The following TERB1 variants were observed in gnomAD, a reference collection of about 807,000 sequenced individuals.
TERB1 encodes the protein telomere repeat binding bouquet formation protein 1, also known as telomere repeats-binding bouquet formation protein 1.
Under a neutral mutation model 92.3 loss-of-function variants are expected in TERB1, and 63 were observed. That is an observed-to-expected ratio of 0.68 (90% CI 0.56 to 0.84). The LOEUF (loss-of-function observed/expected upper bound fraction) is 0.84. Among genes scored for constraint, TERB1 ranks in the 40% least tolerant of loss-of-function variants. The probability of loss-of-function intolerance (pLI) is 0.00; values close to 1 mark genes in which losing one functional copy is unlikely to be tolerated. For synonymous variants in TERB1, 252 were observed against 283.9 expected (o/e 0.89, Z 1.13); for missense variants, 709 against 843.7 (o/e 0.84, Z 1.98).
chr16:66,775,709 A>ATTTTT (rs201460994), intron 11 of TERB1, among the ~76,000 whole-genome samples: 1 of 129,602 alleles, frequency 7.7e-6, no homozygotes, highest in African/African-American at 2.9e-5. Context: ...TTTCAAAAGG[A>ATTTTT]TTTTTTTTTT....
At chr16:66,791,167 AT>A (rs201527046) in intron 3 of TERB1, 148 bp from the exon 4 acceptor site, 3 of 466,374 alleles carry the variant, frequency 6.4e-6, no homozygotes, top group East Asian at 3.3e-5. Context: ...ACAACCATGT[AT>A]TTTTTTTAAA....
rs1192859526 is a variant in TERB1 at position 66,775,133 on chromosome 16, T to G, written c.1096A>C (p.Asn366His). The change falls in exon 12 of 19, where the codon AAC (asparagine) becomes CAC (histidine). Residue 366 changes from asparagine to histidine, a missense_variant. Physicochemically the swap from Asn to His is moderately conservative, Grantham distance 68. Transcript: ENST00000433154. ...GTACACTTACTAATTTTTTTGCAGT[T>G]GTGAAGCACAAATGTGGCAGCTTTG... is the stretch of plus-strand genomic sequence containing the variant. ...LNKAATFVLH[N>H]CKKITEKLSL... The G allele has an allele frequency of 1.3e-6, 2 of 1,551,496 alleles. No homozygotes were observed. The highest frequency in any genetic ancestry group is 2.7e-5 in the African/African-American group (2 of 73,050).
In TERB1 at chr16:66,778,894, C is replaced by T. The variant is rs363162; in HGVS notation, c.822G>A (p.Thr274=). The T allele has an allele frequency of 0.45, 675,338 of 1,517,480 alleles. 155,087 individuals carry two copies. The highest frequency in any genetic ancestry group is 0.64 in the African/African-American group (46,398 of 72,418). 94.0% of individuals were successfully genotyped at this position (1,517,480 alleles called of 1,614,324 possible). A position where few individuals can be genotyped will look rare whatever the true frequency, so the allele number is the denominator to read the frequency against. ...CAGCAATGCATGCATCCACAGTCTT[C>T]GTCACAACCACTGCAAGTTTAGCAC... ...LSSAKLAVVV[T]KTVDACIADN... is the part of the protein sequence containing the mutation. Residue 274 remains threonine, a synonymous_variant, in exon 10 of 19, where the codon ACG becomes ACA. Coordinates refer to ENST00000433154, the MANE Select transcript of TERB1 (RefSeq NM_001136505.2).
In TERB1 at chr16:66,775,139, G is replaced by A; in HGVS notation, c.1090C>T (p.Leu364Phe). 1 of 1,551,548 alleles carries A rather than the reference G, an allele frequency of 6.4e-7. No individual in the cohort carries two copies. Among genetic ancestry groups the A allele is most frequent in the East Asian group, 2.4e-5 (1 of 40,910 alleles). ...TTACTAATTTTTTTGCAGTTGTGAA[G>A]CACAAATGTGGCAGCTTTGTTCAGT... ...EELNKAATFV[L>F]HNCKKITEKL... The change falls in exon 12 of 19, where the codon CTT becomes TTT. Residue 364 changes from leucine (L) to phenylalanine (F), a missense_variant. Coordinates refer to ENST00000433154, the MANE Select transcript of TERB1 (RefSeq NM_001136505.2).
At chr16:66,759,821 GA>G (rs2018201555) in intron 16 of TERB1, among the ~76,000 whole-genome samples, 1 of 141,796 alleles carries the variant, frequency 7.1e-6, no homozygotes, top group Non-Finnish European at 1.5e-5. Flanking sequence ...AAAAAAAAAG[GA>G]AAGAAAGAAA....
intron 16 of TERB1, 72 bp from the exon 17 acceptor site, chr16:66,759,362 A>G: frequency 8.2e-7 from 1 of 1,222,890 alleles, no homozygotes; most frequent in Non-Finnish European, 1.1e-6. Flanking sequence ...GATAGCAAAT[A>G]TCTATATGAT....
intron 5 of TERB1, among the ~76,000 whole-genome samples, chr16:66,789,639 G>C (rs527633413): frequency 6.8e-5 from 8 of 118,412 alleles, no homozygotes; most frequent in Admixed American, 6.3e-4. Context: ...AAAAATTCAG[G>C]GACTATATCT....
intron 4 of TERB1, 86 bp from the exon 5 acceptor site, chr16:66,790,809 T>C (rs1327307833): frequency 5.5e-6 from 8 of 1,450,964 alleles, no homozygotes; most frequent in East Asian, 5.0e-5. Flanking sequence ...TAACATGATA[T>C]GTAGAATAAC....
intron 3 of TERB1, among the ~76,000 whole-genome samples, chr16:66,791,680 T>C (rs1035307910): frequency 2.0e-5 from 3 of 152,170 alleles, no homozygotes; most frequent in Admixed American, 6.5e-5. Flanking sequence ...GAGTACTACA[T>C]ACAATTTCAT....
intron 16 of TERB1, among the ~76,000 whole-genome samples, chr16:66,764,058 T>C (rs2018297362): frequency 6.7e-6 from 1 of 148,514 alleles, no homozygotes; most frequent in South Asian, 2.2e-4. Context: ...AAGAAAAGTC[T>C]TGAAAGCCAT....
chr16:66,786,787 C>A (rs2018735535), intron 6 of TERB1, among the ~76,000 whole-genome samples: 1 of 152,152 alleles, frequency 6.6e-6, no homozygotes, highest in Non-Finnish European at 1.5e-5. Context: ...GGGTGAGAGA[C>A]CAGCCACTGC....
At position 66,778,863 on chromosome 16, in the gene TERB1, G is replaced by A. The variant is rs1298056126; in HGVS notation, c.853C>T (p.Pro285Ser). The A allele has an allele frequency of 3.4e-6, 5 of 1,481,058 alleles. No individual in the cohort carries two copies. The highest frequency in any genetic ancestry group is 4.5e-5 in the Admixed American group (2 of 44,498). 91.7% of individuals were successfully genotyped at this position (1,481,058 alleles called of 1,614,324 possible). A position where few individuals can be genotyped will look rare whatever the true frequency, so the allele number is the denominator to read the frequency against. Reference protein sequence around the residue: ...KTVDACIADNPTFGIVLSKYH... With the variant: ...KTVDACIADNSTFGIVLSKYH... ...AAAACTAGTAAGCACTGTCACTCACGATTATCAGCAATGCATGCATCCACA... is the reference window on the plus strand; with the variant it reads ...AAAACTAGTAAGCACTGTCACTCACAATTATCAGCAATGCATGCATCCACA... Residue 285 changes from proline to serine, a missense_variant and splice_region_variant, in exon 10 of 19, where the codon CCT becomes TCT. Physicochemically the swap from Pro to Ser is moderately conservative, Grantham distance 74. Coordinates refer to ENST00000433154, the MANE Select transcript of TERB1 (RefSeq NM_001136505.2).
intron 11 of TERB1, among the ~76,000 whole-genome samples, chr16:66,775,709 A>T (rs1159436231): frequency 1.5e-5 from 2 of 129,602 alleles, no homozygotes; most frequent in Admixed American, 8.0e-5. Flanking sequence ...TTTCAAAAGG[A>T]TTTTTTTTTT....
At chr16:66,797,097 G>T (rs954502789) in intron 2 of TERB1, among the ~76,000 whole-genome samples, 4 of 152,138 alleles carry the variant, frequency 2.6e-5, no homozygotes, top group Non-Finnish European at 5.9e-5. Context: ...TCACAGAGAT[G>T]TTACCATAAT....
chr16:66,760,856 G>GT (rs1341412534), intron 16 of TERB1, among the ~76,000 whole-genome samples: 4 of 143,782 alleles, frequency 2.8e-5, no homozygotes. Flanking sequence ...GCTCATGCCT[G>GT]TAACCCCAGC....
intron 3 of TERB1, among the ~76,000 whole-genome samples, chr16:66,792,947 T>C (rs1219086770): frequency 6.6e-6 from 1 of 152,024 alleles, no homozygotes; most frequent in South Asian, 2.1e-4. Flanking sequence ...TAAGACATTA[T>C]TGTACACTAC....
chr16:66,773,333 C>A (rs2018487048), intron 12 of TERB1, among the ~76,000 whole-genome samples: 1 of 152,080 alleles, frequency 6.6e-6, no homozygotes. Flanking sequence ...GACTTCGTCT[C>A]AAAAATAAAG....
chr16:66,783,030 T>C (rs1040280385), intron 9 of TERB1, among the ~76,000 whole-genome samples: 3 of 152,036 alleles, frequency 2.0e-5, no homozygotes, highest in Non-Finnish European at 2.9e-5. Flanking sequence ...TTTTTAAATT[T>C]TTCTGTAGAT....
At chr16:66,785,615 A>G (rs2145202438) in intron 9 of TERB1, among the ~76,000 whole-genome samples, 171 bp downstream of exon 9, 2 of 152,340 alleles carry the variant, frequency 1.3e-5, no homozygotes, top group Admixed American at 1.3e-4. Flanking sequence ...TCTTCCCAAT[A>G]TCCTTCTAAA....
Sources: gnomAD v4.1 joint callset for allele counts (sites outside exome capture counted in the v4.1 genomes callset) on GRCh38, gnomAD v4.1.1 for gene constraint, MANE v1.5 for transcripts, NCBI Gene and HGNC (gene_info 2026-07-23, HGNC 2026-07-21) for gene names.